The following GSDMC variants were observed in gnomAD, a reference collection of about 807,000 sequenced individuals.
The protein encoded by GSDMC is gasdermin C.
In GSDMC, 59 loss-of-function variants were observed where a neutral mutation model predicts 58.0. That is an observed-to-expected ratio of 1.02 (90% CI 0.82 to 1.26). The LOEUF (loss-of-function observed/expected upper bound fraction) is 1.26. GSDMC is among the 50% of genes most tolerant of loss of function. GSDMC has a pLI of 0.00. For synonymous variants in GSDMC, 241 were observed against 220.2 expected, an observed-to-expected ratio of 1.09 and a Z score of -0.83; for missense variants, 659 against 598.5, an observed-to-expected ratio of 1.10 and a Z score of -1.06.
chr8:129,748,699 G>T lies in GSDMC; in HGVS notation c.1329C>A (p.Ser443Arg). 1 of 1,563,252 alleles carries T rather than the reference G, an allele frequency of 6.4e-7. No individual in the cohort carries two copies. The highest frequency in any genetic ancestry group is 8.6e-7 in the Non-Finnish European group (1 of 1,156,842). Residue 443 changes from serine (S) to arginine (R), a missense_variant, in exon 14 of 14, where the codon AGC (serine) becomes AGA (arginine). Physicochemically the swap from Ser to Arg is moderately radical, Grantham distance 110. Transcript: ENST00000276708. ...ILEPNFRYPW[S>R]IPFTLKPELL... Reference sequence around the variant, plus strand: ...GCTCAGGTTTGAGGGTGAAGGGAATGCTCCAGGGGTATCTGAAGTTTGGCT... The same window carrying T: ...GCTCAGGTTTGAGGGTGAAGGGAATTCTCCAGGGGTATCTGAAGTTTGGCT...
chr8:129,725,995 T>A, the GSDMC span, among the ~76,000 whole-genome samples: 2 of 152,240 alleles, frequency 1.3e-5, no homozygotes, highest in African/African-American at 4.8e-5. Flanking sequence ...TTGAAAGACT[T>A]TAATTGCCTG....
intron 6 of GSDMC, among the ~76,000 whole-genome samples, chr8:129,758,838 C>G (rs2033544534): frequency 6.6e-6 from 1 of 152,088 alleles, no homozygotes; most frequent in Non-Finnish European, 1.5e-5. Context: ...ACACCAATGA[C>G]ATTCTTCACA....
chr8:129,739,250 G>T, the GSDMC span, among the ~76,000 whole-genome samples: 1 of 152,160 alleles, frequency 6.6e-6, no homozygotes, highest in Admixed American at 6.6e-5. Context: ...TATGCCATGT[G>T]GCTGGAGGGA....
intron 11 of GSDMC, 121 bp from the exon 12 acceptor site, chr8:129,750,240 G>A (rs1310390163): frequency 6.8e-6 from 7 of 1,032,914 alleles, no homozygotes; most frequent in Non-Finnish European, 6.9e-6. Context: ...TCCCCCAGGG[G>A]ATTCCAAGCA....
chr8:129,730,237 A>G, the GSDMC span: 1 of 1,321,234 alleles, frequency 7.6e-7, no homozygotes, highest in Non-Finnish European at 1.0e-6. Flanking sequence ...GATGCTAGAA[A>G]AATTCAGATT....
chr8:129,718,682 G>A, the GSDMC span, among the ~76,000 whole-genome samples: 1 of 152,142 alleles, frequency 6.6e-6, no homozygotes. Flanking sequence ...CCATTACTGG[G>A]TATATAACCA....
the GSDMC span, among the ~76,000 whole-genome samples, chr8:129,712,878 G>A: frequency 1.6e-4 from 25 of 152,310 alleles, no homozygotes; most frequent in South Asian, 5.0e-3. Flanking sequence ...AGACATAGAC[G>A]AGGCTGAGAG....
the GSDMC span, among the ~76,000 whole-genome samples, chr8:129,737,005 CAAAG>C: frequency 1.3e-5 from 2 of 152,118 alleles, no homozygotes; most frequent in Non-Finnish European, 2.9e-5. Context: ...AACAGACAAA[CAAAG>C]AGCCAAATCA....
chr8:129,754,050 A>G (rs1330072195), intron 6 of GSDMC, among the ~76,000 whole-genome samples: 1 of 152,238 alleles, frequency 6.6e-6, no homozygotes, highest in Non-Finnish European at 1.5e-5. Flanking sequence ...GCATCTCTGT[A>G]CCCACCCAAG....
At chr8:129,706,577 C>G in the GSDMC span, 1 of 152,136 alleles carries the variant, frequency 6.6e-6, no homozygotes, top group East Asian at 1.9e-4. Flanking sequence ...AAAAATGGAG[C>G]CAGGCACTTA....
the GSDMC span, among the ~76,000 whole-genome samples, chr8:129,725,356 G>C: frequency 6.6e-6 from 1 of 152,056 alleles, no homozygotes; most frequent in Non-Finnish European, 1.5e-5. Flanking sequence ...ACACTCATGC[G>C]TTCTTTTCTT....
the GSDMC span, among the ~76,000 whole-genome samples, chr8:129,716,100 A>G: frequency 6.6e-6 from 1 of 152,220 alleles, no homozygotes; most frequent in Non-Finnish European, 1.5e-5. Flanking sequence ...GAAAAAGGAA[A>G]CAACATATGG....
intron 1 of GSDMC, among the ~76,000 whole-genome samples, chr8:129,781,042 A>G (rs1053085444): frequency 1.3e-5 from 2 of 152,224 alleles, no homozygotes; most frequent in Non-Finnish European, 2.9e-5. Flanking sequence ...ACAATGAATA[A>G]GCAAAAAATG....
chr8:129,741,313 G>A, the GSDMC span, among the ~76,000 whole-genome samples: 90 of 152,126 alleles, frequency 5.9e-4, no homozygotes, highest in Middle Eastern at 3.4e-3. Flanking sequence ...ACTCAAAATT[G>A]TTTGGCTATT....
At chr8:129,727,467 C>T in the GSDMC span, among the ~76,000 whole-genome samples, 2 of 152,236 alleles carry the variant, frequency 1.3e-5, no homozygotes, top group East Asian at 1.9e-4. Flanking sequence ...AGCCCCAGTA[C>T]GTGAGAGAGA....
rs145814003 is a variant in GSDMC, at chr8:129,764,084, C to T, written c.571-1353G>A. On this transcript the variant is annotated intron_variant, in intron 4 of 13. Coordinates refer to ENST00000276708, the MANE Select transcript of GSDMC (RefSeq NM_031415.3). ...TAAAATATTATCTCTTAAAGAGGATCAAGTATTTCTTACCTTCCTATGTTG... is the reference window on the plus strand; with the variant it reads ...TAAAATATTATCTCTTAAAGAGGATTAAGTATTTCTTACCTTCCTATGTTG... 3.2e-4 allele frequency among the ~76,000 whole-genome samples: 48 copies of T among 152,278 alleles called. 1 individual carries two copies. In the East Asian group the frequency reaches 9.3e-3, roughly 29 times the overall value.
chr8:129,752,641 T>G (rs965924591), intron 7 of GSDMC, 57 bp downstream of exon 7: 1 of 1,595,786 alleles, frequency 6.3e-7, no homozygotes, highest in Non-Finnish European at 8.5e-7. Context: ...TTAACAACTA[T>G]CTGCACAAAG....
the GSDMC span, among the ~76,000 whole-genome samples, chr8:129,735,953 A>G: frequency 6.6e-6 from 1 of 152,232 alleles, no homozygotes; most frequent in African/African-American, 2.4e-5. Flanking sequence ...AATAGACACA[A>G]TAAAAAATGA....
At chr8:129,711,385 C>A in the GSDMC span, among the ~76,000 whole-genome samples, 1 of 152,090 alleles carries the variant, frequency 6.6e-6, no homozygotes, top group African/African-American at 2.4e-5. Flanking sequence ...TGTTGATTTA[C>A]CAAAAATCAC....
Sources: allele counts gnomAD v4.1 joint callset (sites outside exome capture counted in the v4.1 genomes callset), GRCh38; gene constraint gnomAD v4.1.1; transcripts MANE v1.5; gene names NCBI Gene and HGNC (gene_info 2026-07-23, HGNC 2026-07-21).